Variants in ANTXR2 observed in about 807,000 individuals in gnomAD.
ANTXR2 encodes the protein anthrax toxin receptor 2.
ANTXR2 carries 44 observed loss-of-function variants against 73.7 expected under a neutral mutation model. The ratio of observed to expected loss-of-function variants is 0.60; its 90% CI spans 0.47 to 0.77. The LOEUF (loss-of-function observed/expected upper bound fraction) is 0.77, where lower values mean the gene tolerates loss of function less well. Ranked by LOEUF, ANTXR2 falls within the 30% of genes least tolerant of loss-of-function variation. The probability of loss-of-function intolerance (pLI) is 0.00; values close to 1 mark genes in which losing one functional copy is unlikely to be tolerated. For synonymous variants in ANTXR2, 217 were observed against 205.9 expected, an observed-to-expected ratio of 1.05 and a Z score of -0.46; for missense variants, 604 against 592.5, an observed-to-expected ratio of 1.02 and a Z score of -0.20.
At chr4:79,960,507 T>G (rs1366454549) in intron 16 of ANTXR2, among the ~76,000 whole-genome samples, 1 of 151,992 alleles carries the variant, frequency 6.6e-6, no homozygotes, top group Non-Finnish European at 1.5e-5. Context: ...TTTATAAGTT[T>G]TTTAAAAGCA....
At chr4:80,021,048 C>T (rs181882455) in intron 10 of ANTXR2, among the ~76,000 whole-genome samples, 3 of 147,824 alleles carry the variant, frequency 2.0e-5, no homozygotes, top group East Asian at 2.1e-4. Flanking sequence ...ACTTGGGAGG[C>T]TGAGGCTGGA....
chr4:79,909,175 G>T (rs976093558), intron 16 of ANTXR2, among the ~76,000 whole-genome samples: 2 of 152,110 alleles, frequency 1.3e-5, no homozygotes, highest in Non-Finnish European at 2.9e-5. Context: ...TGACAGCAAA[G>T]ATATAAATTA....
chr4:80,063,679 A>G (rs748260340), intron 3 of ANTXR2, among the ~76,000 whole-genome samples: 2 of 152,052 alleles, frequency 1.3e-5, no homozygotes, highest in African/African-American at 2.4e-5. Flanking sequence ...TCATACTAAG[A>G]GTGTCTGCTA....
At chr4:80,026,433 G>A (rs915699032) in intron 10 of ANTXR2, among the ~76,000 whole-genome samples, 1 of 152,054 alleles carries the variant, frequency 6.6e-6, no homozygotes, top group African/African-American at 2.4e-5. Context: ...GTTCTTTATA[G>A]CAGTGTGAGA....
At chr4:80,000,717 T>C (rs913443004) in intron 12 of ANTXR2, among the ~76,000 whole-genome samples, 1 of 152,148 alleles carries the variant, frequency 6.6e-6, no homozygotes, top group Non-Finnish European at 1.5e-5. Flanking sequence ...GGGATGTTTC[T>C]GACTTTGACA....
intron 16 of ANTXR2, among the ~76,000 whole-genome samples, chr4:79,920,330 T>C (rs907584832): frequency 6.6e-6 from 1 of 152,094 alleles, no homozygotes; most frequent in Non-Finnish European, 1.5e-5. Flanking sequence ...GTCAAAAATA[T>C]ACAGCAATCA....
intron 16 of ANTXR2, among the ~76,000 whole-genome samples, chr4:79,920,987 G>GA (rs1727571385): frequency 1.3e-5 from 2 of 151,990 alleles, no homozygotes; most frequent in South Asian, 4.1e-4. Flanking sequence ...CATGCATTTA[G>GA]AAAAAAATCC....
intron 16 of ANTXR2, among the ~76,000 whole-genome samples, chr4:79,955,015 A>T (rs546638231): frequency 6.6e-6 from 1 of 152,192 alleles, no homozygotes; most frequent in East Asian, 1.9e-4. Flanking sequence ...ACACATTAGT[A>T]CTCATTTGCT....
At chr4:80,031,462 C>T (rs1279996048) in intron 10 of ANTXR2, among the ~76,000 whole-genome samples, 161 bp downstream of exon 10, 1 of 151,876 alleles carries the variant, frequency 6.6e-6, no homozygotes, top group Non-Finnish European at 1.5e-5. Flanking sequence ...GAAGTACTAA[C>T]TTGCTTGCCT....
At chr4:79,959,142 G>T (rs1341945823) in intron 16 of ANTXR2, among the ~76,000 whole-genome samples, 1 of 151,972 alleles carries the variant, frequency 6.6e-6, no homozygotes, top group Non-Finnish European at 1.5e-5. Flanking sequence ...GAAAATGATT[G>T]TGTTATGTTT....
At chr4:79,959,195 AAATT>A (rs1729052012) in intron 16 of ANTXR2, among the ~76,000 whole-genome samples, 1 of 152,056 alleles carries the variant, frequency 6.6e-6, no homozygotes, top group South Asian at 2.1e-4. Context: ...TATAATTTAA[AAATT>A]AATCATCCAA....
chr4:79,995,121 T>C (rs963509265), intron 12 of ANTXR2, among the ~76,000 whole-genome samples: 52 of 152,044 alleles, frequency 3.4e-4, no homozygotes, highest in African/African-American at 1.2e-3. Context: ...TGCTGCACAG[T>C]TGAACCATTT....
intron 16 of ANTXR2, among the ~76,000 whole-genome samples, chr4:79,914,348 A>G (rs1727263757): frequency 6.6e-6 from 1 of 152,138 alleles, no homozygotes; most frequent in South Asian, 2.1e-4. Flanking sequence ...TTATAACCAT[A>G]TCTTGACTTC....
At chr4:80,058,667 C>A (rs865900930) in intron 3 of ANTXR2, among the ~76,000 whole-genome samples, 1 of 119,752 alleles carries the variant, frequency 8.4e-6, no homozygotes, top group African/African-American at 2.9e-5. Flanking sequence ...TCATTCATCC[C>A]CACTGTAATG....
intron 11 of ANTXR2, among the ~76,000 whole-genome samples, chr4:80,014,224 AT>A (rs1731730283): frequency 2.0e-5 from 3 of 151,846 alleles, no homozygotes; most frequent in Non-Finnish European, 4.4e-5. Context: ...GTCAAATTGG[AT>A]TTCTTCTAAC....
At chr4:79,907,820 T>C (rs1009057812) in intron 16 of ANTXR2, among the ~76,000 whole-genome samples, 1 of 152,206 alleles carries the variant, frequency 6.6e-6, no homozygotes, top group African/African-American at 2.4e-5. Context: ...GAAAATATTT[T>C]CTTATGCAAG....
Position 79,901,541 on chromosome 4 carries a change from C to T in ANTXR2, c.*5888G>A, listed in dbSNP as rs944827307. ...TACCCAATATTTTTGGCACCACGGA[C>T]CAGTTTCGTGGAAGCCAATTTTTCC... On this transcript the variant is annotated 3_prime_UTR_variant, in exon 17 of 17. Transcript: ENST00000403729. 2.4e-5 allele frequency: 3 copies of T among 127,160 alleles called. No homozygotes were observed. The highest frequency in any genetic ancestry group is 3.1e-5 in the African/African-American group (1 of 31,954). The allele number at this position is 127,160 out of a possible 1,614,324, so 7.9% of individuals were successfully genotyped here.
intron 16 of ANTXR2, among the ~76,000 whole-genome samples, chr4:79,910,879 A>G (rs1366374914): frequency 6.6e-6 from 1 of 152,160 alleles, no homozygotes; most frequent in African/African-American, 2.4e-5. Flanking sequence ...AAAAATGGAA[A>G]CTTTTGGCTA....
chr4:80,051,915 T>C (rs1321446219), intron 7 of ANTXR2, among the ~76,000 whole-genome samples: 1 of 151,682 alleles, frequency 6.6e-6, no homozygotes, highest in East Asian at 1.9e-4. Context: ...CAGACTATCT[T>C]GGTCATTGGA....
Sources: allele counts gnomAD v4.1 joint callset (sites outside exome capture counted in the v4.1 genomes callset), GRCh38; gene constraint gnomAD v4.1.1; transcripts MANE v1.5; gene names NCBI Gene and HGNC (gene_info 2026-07-23, HGNC 2026-07-21).